The following ACTN1 variants were observed in gnomAD, a reference collection of about 807,000 sequenced individuals.
ACTN1 encodes the protein actinin alpha 1.
In ACTN1, 30 loss-of-function variants were observed where a neutral mutation model predicts 119.6. That is an observed-to-expected ratio of 0.25 (90% CI 0.19 to 0.34). The LOEUF (loss-of-function observed/expected upper bound fraction) is 0.34. Among genes scored for constraint, ACTN1 ranks in the 10% least tolerant of loss-of-function variants. The pLI, the probability that ACTN1 is intolerant of heterozygous loss-of-function variation, is 1.00. For missense variants in ACTN1, 764 were observed against 1,223.4 expected, an observed-to-expected ratio of 0.62 and a Z score of 5.60; for synonymous variants, 429 against 472.6, an observed-to-expected ratio of 0.91 and a Z score of 1.20.
rs191673837 is a variant in ACTN1 at position 68,909,511 on chromosome 14, G to A, written c.516-115C>T. The A allele has an allele frequency of 5.5e-4, 514 of 930,478 alleles. 5 individuals carry two copies. In the African/African-American group the frequency reaches 6.9e-3, roughly 13 times the overall value. The allele number at this position is 930,478 out of a possible 1,614,324, so 57.6% of individuals were successfully genotyped here. ...GAGAGATGAACACATAGAGCTTTCT[G>A]GGGTAGGAGTTAGAAGACAGGATGG... On this transcript the variant is annotated intron_variant, in intron 5 of 21. Coordinates refer to ENST00000394419, the MANE Select transcript of ACTN1 (RefSeq NM_001130004.2). The surrounding 1 kb of genome is among the most constrained non-coding windows in gnomAD (Gnocchi z 4.1).
chr14:68,946,056 TCA>T (rs2140512414), intron 1 of ACTN1, among the ~76,000 whole-genome samples: 1 of 152,138 alleles, frequency 6.6e-6, no homozygotes, highest in Non-Finnish European at 1.5e-5. Context: ...GCGGTGGCAG[TCA>T]CACACTTTCA....
At chr14:68,941,053 A>G (rs956189970) in intron 1 of ACTN1, among the ~76,000 whole-genome samples, 10 of 152,134 alleles carry the variant, frequency 6.6e-5, no homozygotes, top group Non-Finnish European at 1.3e-4. Flanking sequence ...CAGTTCTGTC[A>G]ACTGCTTTTG....
Position 68,925,795 on chromosome 14 carries a change from G to T in ACTN1, c.106-123C>A. 1 of 665,498 alleles carries T rather than the reference G, an allele frequency of 1.5e-6. No homozygotes were observed. Among genetic ancestry groups the T allele is most frequent in the Non-Finnish European group, 2.5e-6 (1 of 395,758 alleles). The allele number at this position is 665,498 out of a possible 1,614,324, so 41.2% of individuals were successfully genotyped here. On this transcript the variant is annotated intron_variant, in intron 1 of 21. Transcript: ENST00000394419. The surrounding 1 kb of genome is among the most constrained non-coding windows in gnomAD (Gnocchi z 4.3). ...CTACTCAGCAGAGCCTCTCAACACA[G>T]TTGCCCCACCATGGTCTCATTCACT...
chr14:68,922,310 T>C (rs2034692109), intron 2 of ACTN1, among the ~76,000 whole-genome samples: 1 of 152,230 alleles, frequency 6.6e-6, no homozygotes, highest in South Asian at 2.1e-4. Flanking sequence ...TGCTAGCTTC[T>C]GGAAGACGGC....
chr14:68,888,595 G>A (rs754252638), intron 11 of ACTN1, among the ~76,000 whole-genome samples: 111 of 152,228 alleles, frequency 7.3e-4, no homozygotes, highest in Non-Finnish European at 1.3e-3. Context: ...CTACACCAGG[G>A]GTCCCCACCC....
rs181115471 is a variant in ACTN1, at chr14:68,945,245, G to C, written c.106-19573C>G. 2.9e-3 allele frequency among the ~76,000 whole-genome samples: 429 copies of C among 150,494 alleles called. 5 individuals carry two copies. The highest frequency in any genetic ancestry group is 0.024 in the Middle Eastern group (7 of 290). ...CAAACAGCAAAGGCCCCAGAGAAAA[G>C]AGAGTAAGGTCTGTTCAAAAAACTG... On this transcript the variant is annotated intron_variant, in intron 1 of 21. Coordinates refer to ENST00000394419, the MANE Select transcript of ACTN1 (RefSeq NM_001130004.2).
chr14:68,950,462 G>GTGTGTGTGTGTGTGTGTGTGTGTGTATA, intron 1 of ACTN1, among the ~76,000 whole-genome samples: 10 of 125,938 alleles, frequency 7.9e-5, no homozygotes, highest in African/African-American at 4.1e-4. Context: ...ATGCGTGTGT[G>GTGTGTGTGTGTGTGTGTGTGTGTGTATA]TATATATATA....
At chr14:68,900,988 A>T (rs1333898211) in intron 8 of ACTN1, 2 of 152,426 alleles carry the variant, frequency 1.3e-5, no homozygotes, top group African/African-American at 2.4e-5. Context: ...GAAAGTAGGC[A>T]GCGGCAGCAG....
chr14:68,959,050 C>T (rs763315028), intron 1 of ACTN1, among the ~76,000 whole-genome samples: 36 of 152,308 alleles, frequency 2.4e-4, no homozygotes, highest in Admixed American at 4.6e-4. Flanking sequence ...GCAAAACCCG[C>T]GATTACTTTT....
intron 1 of ACTN1, among the ~76,000 whole-genome samples, chr14:68,946,225 G>A (rs1440290724): frequency 6.6e-6 from 1 of 152,136 alleles, no homozygotes; most frequent in Non-Finnish European, 1.5e-5. Context: ...ACCCTCTGGG[G>A]GTGGGGCCCA....
At chr14:68,887,353 G>C in intron 11 of ACTN1, 1 of 373,910 alleles carries the variant, frequency 2.7e-6, no homozygotes, top group South Asian at 2.2e-5. Context: ...TGATCAAAGA[G>C]TGGTTTTCTT....
chr14:68,921,179 C>T (rs1486264253), intron 2 of ACTN1, 54 bp from the exon 3 acceptor site: 3 of 1,602,240 alleles, frequency 1.9e-6, no homozygotes, highest in Admixed American at 1.7e-5. Flanking sequence ...AGCCAGGGGC[C>T]AGAGCTACTA....
intron 6 of ACTN1, among the ~76,000 whole-genome samples, chr14:68,907,958 T>G (rs183222474): frequency 6.6e-6 from 1 of 151,898 alleles, no homozygotes; most frequent in East Asian, 1.9e-4. Flanking sequence ...ATATTCCCCC[T>G]TGGCCACGTT....
intron 1 of ACTN1, among the ~76,000 whole-genome samples, chr14:68,942,636 T>C (rs748885330): frequency 2.0e-5 from 3 of 152,184 alleles, no homozygotes; most frequent in Non-Finnish European, 4.4e-5. Flanking sequence ...AATTAGAAAG[T>C]TGATTACGCC....
At chr14:68,950,457 T>C (rs2036102230) in intron 1 of ACTN1, among the ~76,000 whole-genome samples, 1 of 145,826 alleles carries the variant, frequency 6.9e-6, no homozygotes, top group Non-Finnish European at 1.5e-5. Context: ...TATATATGCG[T>C]GTGTGTATAT....
At chr14:68,932,539 T>TTTTA (rs71102619) in intron 1 of ACTN1, among the ~76,000 whole-genome samples, 5,078 of 117,180 alleles carry the variant, frequency 0.043, 500 homozygotes, top group East Asian at 0.31. Context: ...TTTTTTTTTT[T>TTTTA]AATTTTTCTT....
Position 68,925,088 on chromosome 14 carries a change from A to AG in ACTN1, c.220+469dup, listed in dbSNP as rs35394516. Among the ~76,000 whole-genome samples, 1 of 152,168 alleles carries AG rather than the reference A, an allele frequency of 6.6e-6. No individual in the cohort carries two copies. The highest frequency in any genetic ancestry group is 1.5e-5 in the Non-Finnish European group (1 of 68,032). On this transcript the variant is annotated intron_variant, in intron 2 of 21. Transcript: ENST00000394419. The surrounding 1 kb of genome is among the most constrained non-coding windows in gnomAD (Gnocchi z 4.3). ...AGACTCACAGGACTCCCACCCCTTAAGGGATGGTGGCAGAAAGGCATTCAT... is the reference window on the plus strand; with the variant it reads ...AGACTCACAGGACTCCCACCCCTTAAGGGGATGGTGGCAGAAAGGCATTCAT...
chr14:68,901,609 C>T (rs767100725), intron 8 of ACTN1, among the ~76,000 whole-genome samples: 2 of 151,430 alleles, frequency 1.3e-5, no homozygotes, highest in Non-Finnish European at 3.0e-5. Flanking sequence ...CTGCATGAGA[C>T]GTGAAGATTC....
chr14:68,896,100 C>G (rs2032859361), intron 8 of ACTN1, among the ~76,000 whole-genome samples: 1 of 152,174 alleles, frequency 6.6e-6, no homozygotes. Flanking sequence ...AGAGTGCTTT[C>G]TGTATGGCAG....
Sources: gnomAD v4.1 joint callset for allele counts (sites outside exome capture counted in the v4.1 genomes callset) on GRCh38, gnomAD v4.1.1 for gene constraint, Gnocchi (gnomAD v3.1) non-coding constraint, MANE v1.5 for transcripts, NCBI Gene and HGNC (gene_info 2026-07-23, HGNC 2026-07-21) for gene names.